TNKS: variants seen among roughly 807,000 people sequenced by gnomAD.
TNKS encodes the protein poly [ADP-ribose] polymerase tankyrase-1.
In TNKS, 72 loss-of-function variants were observed where a neutral mutation model predicts 135.8. The ratio of observed to expected loss-of-function variants is 0.53; its 90% CI spans 0.44 to 0.64. The LOEUF is 0.64. Among genes scored for constraint, TNKS ranks in the 30% least tolerant of loss-of-function variants. The pLI is 0.00. For synonymous variants in TNKS, 849 were observed against 649.3 expected, an observed-to-expected ratio of 1.31 and a Z score of -4.68; for missense variants, 1,769 against 1,674.0, an observed-to-expected ratio of 1.06 and a Z score of -0.99.
chr8:9,556,742 A>T, intron 1 of TNKS, 130 bp downstream of exon 1: 1 of 950,624 alleles, frequency 1.1e-6, no homozygotes, highest in Non-Finnish European at 1.5e-6. Flanking sequence ...CCTCACCAGA[A>T]GACTGGAGGT....
At chr8:9,755,587 A>T (rs1806794097) in intron 20 of TNKS, among the ~76,000 whole-genome samples, 1 of 152,072 alleles carries the variant, frequency 6.6e-6, no homozygotes, top group Non-Finnish European at 1.5e-5. Flanking sequence ...CATAACTTTA[A>T]CCCTTAGCAT....
intron 3 of TNKS, among the ~76,000 whole-genome samples, chr8:9,626,370 G>T (rs981014512): frequency 6.6e-6 from 1 of 152,048 alleles, no homozygotes; most frequent in Non-Finnish European, 1.5e-5. Context: ...TTTTTGAATT[G>T]GTATACTTAG....
intron 3 of TNKS, among the ~76,000 whole-genome samples, chr8:9,660,509 C>T (rs1348663120): frequency 6.6e-6 from 1 of 152,156 alleles, no homozygotes. Context: ...TCAATAGATG[C>T]AGAAAAGGCC....
At chr8:9,600,014 T>A (rs1163355631) in intron 2 of TNKS, among the ~76,000 whole-genome samples, 1 of 152,224 alleles carries the variant, frequency 6.6e-6, no homozygotes, top group African/African-American at 2.4e-5. Context: ...GGTAATTAAA[T>A]ATTTTTTAAT....
At chr8:9,572,705 A>G (rs1585182050) in intron 1 of TNKS, among the ~76,000 whole-genome samples, 1 of 152,164 alleles carries the variant, frequency 6.6e-6, no homozygotes, top group East Asian at 1.9e-4. Context: ...ACCCCTCTAT[A>G]ATTTTGAGGC....
intron 3 of TNKS, among the ~76,000 whole-genome samples, chr8:9,662,787 T>A (rs1801785471): frequency 2.0e-5 from 3 of 152,188 alleles, no homozygotes; most frequent in African/African-American, 7.2e-5. Context: ...TTTCATTCAA[T>A]GAAAGAGCAG....
chr8:9,574,486 G>A (rs2129052173), intron 1 of TNKS, among the ~76,000 whole-genome samples: 1 of 152,204 alleles, frequency 6.6e-6, no homozygotes, highest in Admixed American at 6.5e-5. Flanking sequence ...TAGTCCCTCT[G>A]ATTTTGCTCT....
At chr8:9,726,609 T>C (rs1188678310) in intron 12 of TNKS, 32 bp from the exon 13 acceptor site, 7 of 1,508,222 alleles carry the variant, frequency 4.6e-6, no homozygotes, top group Admixed American at 1.8e-5. Flanking sequence ...AGTTTGGATA[T>C]ATATATGAGT....
chr8:9,562,192 TATC>T, intron 1 of TNKS, among the ~76,000 whole-genome samples: 1 of 152,138 alleles, frequency 6.6e-6, no homozygotes, highest in East Asian at 1.9e-4. Flanking sequence ...TTTGTTGGGT[TATC>T]TTTTATTATT....
chr8:9,707,679 T>C (rs1804113199), intron 8 of TNKS, among the ~76,000 whole-genome samples: 1 of 152,226 alleles, frequency 6.6e-6, no homozygotes, highest in South Asian at 2.1e-4. Context: ...AAATATTGGA[T>C]TCTCATTCAT....
At position 9,571,560 on chromosome 8, in the gene TNKS, C is replaced by T. The variant is rs949981703; in HGVS notation, c.674-8599C>T. 2.6e-5 allele frequency among the ~76,000 whole-genome samples: 4 copies of T among 152,106 alleles called. No individual in the cohort carries two copies. In the South Asian group the frequency reaches 8.3e-4, roughly 32 times the overall value. On this transcript the variant is annotated intron_variant, in intron 1 of 26. Coordinates refer to ENST00000310430, the MANE Select transcript of TNKS (RefSeq NM_003747.3). ...GCAAGCTCCGCCTCCCGGGTTCACG[C>T]CATTCTCCTGCCTCAGCCTCCCAAG...
rs964231163 is a variant in TNKS, at chr8:9,736,542, G to A, written c.2643+1056G>A. ...GGGTTTTTATGGTTTTAGGTTTAAC[G>A]TTTAAATCTTTAATCCATCTTGAAT... On this transcript the variant is annotated intron_variant, in intron 17 of 26. Coordinates refer to ENST00000310430, the MANE Select transcript of TNKS (RefSeq NM_003747.3). Among the ~76,000 whole-genome samples the A allele has an allele frequency of 5.6e-4, 82 of 147,654 alleles. 2 individuals are homozygous for A. The highest frequency in any genetic ancestry group is 3.3e-3 in the Admixed American group (48 of 14,642).
chr8:9,709,214 A>T lies in TNKS; in HGVS notation c.1578+722A>T, dbSNP rs543647142. Among the ~76,000 whole-genome samples the T allele has an allele frequency of 2.0e-5, 3 of 152,160 alleles. No homozygotes were observed. The South Asian group carries it at 6.2e-4, about 32-fold the overall frequency. ...TATCTGCATAAAACAACATTAAAGG[A>T]TTGACCAAACTGAAATAGGCTAACT... On this transcript the variant is annotated intron_variant, in intron 9 of 26. Transcript: ENST00000310430.
At chr8:9,667,442 T>G (rs1802047874) in intron 3 of TNKS, among the ~76,000 whole-genome samples, 1 of 152,230 alleles carries the variant, frequency 6.6e-6, no homozygotes, top group Non-Finnish European at 1.5e-5. Flanking sequence ...GTAAGCCTAC[T>G]GAGGGCTGAA....
chr8:9,757,855 A>G (rs1346180232), intron 20 of TNKS, among the ~76,000 whole-genome samples: 1 of 152,228 alleles, frequency 6.6e-6, no homozygotes, highest in Non-Finnish European at 1.5e-5. Context: ...TACTCATTAA[A>G]CATTTTATAT....
At position 9,765,734 on chromosome 8, in the gene TNKS, C is replaced by G; in HGVS notation, c.3490C>G (p.His1164Asp). 6.2e-7 allele frequency: 1 copy of G among 1,613,844 alleles called. No homozygotes were observed. The change falls in exon 24 of 27, where the codon CAC becomes GAC. Residue 1164 changes from histidine to aspartate, a missense_variant. This residue lies in a region of TNKS where 722 missense variants were observed against 688.9 expected (regional missense o/e 1.05). Transcript: ENST00000310430. The stretch of plus-strand genomic sequence containing the variant: ...CAAGAAGTTGAGGGAGCGGTTCTGC[C>G]ACCGACAGAAGGAAGTGTCTGAGGA... Reference protein sequence around the residue: ...VNKKLRERFCHRQKEVSEENH... With the variant: ...VNKKLRERFCDRQKEVSEENH...
At chr8:9,671,831 G>C (rs1585309004) in intron 3 of TNKS, among the ~76,000 whole-genome samples, 1 of 152,234 alleles carries the variant, frequency 6.6e-6, no homozygotes, top group East Asian at 1.9e-4. Flanking sequence ...CAAGGTTTCA[G>C]TGACCTGTGG....
In TNKS at chr8:9,615,579, C is replaced by T. The variant is rs768747751; in HGVS notation, c.899-3C>T. The T allele has an allele frequency of 6.2e-7, 1 of 1,612,368 alleles. No homozygotes were observed. The highest frequency in any genetic ancestry group is 1.1e-5 in the South Asian group (1 of 90,666). On this transcript the variant is annotated splice_polypyrimidine_tract_variant and splice_region_variant and intron_variant, in intron 2 of 26. Transcript: ENST00000310430. ...AGATACTGTTTCTGCTTTCCCTGCACAGTGCTGCTGCAGCACGGAGCTGAC... is the reference window on the plus strand; with the variant it reads ...AGATACTGTTTCTGCTTTCCCTGCATAGTGCTGCTGCAGCACGGAGCTGAC...
chr8:9,575,805 T>G (rs1194390506), intron 1 of TNKS, among the ~76,000 whole-genome samples: 2 of 152,202 alleles, frequency 1.3e-5, no homozygotes, highest in African/African-American at 4.8e-5. Flanking sequence ...TGCATGGATT[T>G]AACTATGAGT....
Sources: allele counts gnomAD v4.1 joint callset (sites outside exome capture counted in the v4.1 genomes callset), GRCh38; gene constraint gnomAD v4.1.1; regional missense constraint gnomAD v4.1.1; transcripts MANE v1.5; gene names NCBI Gene and HGNC (gene_info 2026-07-23, HGNC 2026-07-21).